Variants in PGBD5 observed in about 807,000 individuals in gnomAD.
The protein encoded by PGBD5 is piggyBac transposable element-derived protein 5.
In PGBD5, 14 loss-of-function variants were observed where a neutral mutation model predicts 47.9. That is an observed-to-expected ratio of 0.29 (90% CI 0.19 to 0.46). The LOEUF (loss-of-function observed/expected upper bound fraction) is 0.46, where lower values mean the gene tolerates loss of function less well. Ranked by LOEUF, PGBD5 falls within the 20% of genes least tolerant of loss-of-function variation. The pLI is 1.00. For missense variants in PGBD5, 635 were observed against 716.0 expected (o/e 0.89, Z 1.29); for synonymous variants, 316 against 306.3 (o/e 1.03, Z -0.33).
chr1:230,388,062 C>G (rs533252043), intron 1 of PGBD5, among the ~76,000 whole-genome samples: 25 of 152,250 alleles, frequency 1.6e-4, no homozygotes, highest in Middle Eastern at 3.4e-3. Context: ...CCCAGCAGCC[C>G]CCGCCAACCA....
chr1:230,394,312 T>C (rs539583924), intron 1 of PGBD5, among the ~76,000 whole-genome samples: 3 of 151,760 alleles, frequency 2.0e-5, no homozygotes, highest in Non-Finnish European at 4.4e-5. Context: ...TGCCCTTCTA[T>C]TGTGCTACAG....
intron 1 of PGBD5, among the ~76,000 whole-genome samples, chr1:230,412,891 A>G (rs2102750970): frequency 6.6e-6 from 1 of 152,274 alleles, no homozygotes; most frequent in South Asian, 2.1e-4. Context: ...ATTGCATGCA[A>G]TATCACAACG....
intron 1 of PGBD5, among the ~76,000 whole-genome samples, chr1:230,384,755 TTG>T (rs1164398451): frequency 6.6e-6 from 1 of 152,138 alleles, no homozygotes; most frequent in Non-Finnish European, 1.5e-5. Flanking sequence ...AAAATGGGCA[TTG>T]TGTGTGTTAA....
chr1:230,329,551 G>A (rs561746647), intron 5 of PGBD5, among the ~76,000 whole-genome samples: 23 of 152,106 alleles, frequency 1.5e-4, no homozygotes, highest in Non-Finnish European at 2.1e-4. Flanking sequence ...TTGCTCTGTC[G>A]GCCAGGCTGG....
At chr1:230,373,510 C>T (rs1356328909) in intron 1 of PGBD5, among the ~76,000 whole-genome samples, 1 of 152,220 alleles carries the variant, frequency 6.6e-6, no homozygotes, top group Non-Finnish European at 1.5e-5. Context: ...CAGGAAGACA[C>T]TGTTTCTCCC....
At chr1:230,374,866 T>G (rs1008001734) in intron 1 of PGBD5, among the ~76,000 whole-genome samples, 27 of 152,178 alleles carry the variant, frequency 1.8e-4, no homozygotes, top group Admixed American at 1.8e-3. Flanking sequence ...AAACAACATT[T>G]AGTCCTTAAA....
At chr1:230,345,823 G>A (rs1429007979) in intron 3 of PGBD5, among the ~76,000 whole-genome samples, 1 of 152,186 alleles carries the variant, frequency 6.6e-6, no homozygotes, top group East Asian at 1.9e-4. Flanking sequence ...GCAGGCTAAT[G>A]TAAGTGTTCC....
chr1:230,384,587 G>A (rs895909702), intron 1 of PGBD5, among the ~76,000 whole-genome samples: 6 of 152,136 alleles, frequency 3.9e-5, no homozygotes, highest in African/African-American at 1.2e-4. Flanking sequence ...GAGCAGGGGA[G>A]GTAAATTTTA....
intron 1 of PGBD5, among the ~76,000 whole-genome samples, chr1:230,379,973 T>C (rs554853132): frequency 6.6e-6 from 1 of 152,362 alleles, no homozygotes; most frequent in South Asian, 2.1e-4. Context: ...TCTTCATTAC[T>C]ACCCTCAGCA....
intron 6 of PGBD5, among the ~76,000 whole-genome samples, chr1:230,324,893 T>C (rs12088559): frequency 0.096 from 14,588 of 152,244 alleles, 1,234 homozygotes; most frequent in African/African-American, 0.23. Flanking sequence ...AGAACACATG[T>C]GACTTGGGGT....
chr1:230,401,033 C>A (rs1323716286), intron 1 of PGBD5, among the ~76,000 whole-genome samples: 1 of 152,258 alleles, frequency 6.6e-6, no homozygotes. Flanking sequence ...CGCATATTAT[C>A]TACAGTTACC....
At chr1:230,348,123 C>G (rs532774597) in intron 3 of PGBD5, among the ~76,000 whole-genome samples, 1 of 152,304 alleles carries the variant, frequency 6.6e-6, no homozygotes, top group African/African-American at 2.4e-5. Context: ...TGAGCTTCCC[C>G]GCTAAGTCAT....
At position 230,357,012 on chromosome 1, in the gene PGBD5, T is replaced by A. The variant is rs1347217082; in HGVS notation, c.641A>T (p.Tyr214Phe). The change falls in exon 2 of 7, where the codon TAC becomes TTC. Residue 214 changes from tyrosine (Y) to phenylalanine (F), a missense_variant. Coordinates refer to ENST00000391860, the MANE Select transcript of PGBD5 (RefSeq NM_001258311.2). This position sits in a 1 kb window ranked among gnomAD's most constrained non-coding sequence, Gnocchi z 5.7. The stretch of plus-strand genomic sequence containing the variant: ...GGAGCGGAAGGCCACGACGTGGAAG[T>A]ACTTGAGGATCTTCTCGAAGCGGGC... ...SQARFEKILKYFHVVAFRSSQ... is the reference protein window; with the variant it reads ...SQARFEKILKFFHVVAFRSSQ... The A allele has an allele frequency of 6.2e-7, 1 of 1,614,098 alleles. No individual in the cohort carries two copies. The highest frequency in any genetic ancestry group is 2.2e-5 in the East Asian group (1 of 44,864).
chr1:230,368,809 G>A (rs1023137987), intron 1 of PGBD5, among the ~76,000 whole-genome samples: 2 of 152,230 alleles, frequency 1.3e-5, no homozygotes, highest in Non-Finnish European at 2.9e-5. Context: ...GTATGTGAGT[G>A]AGCATGCACA....
chr1:230,346,615 C>T (rs977443650), intron 3 of PGBD5, among the ~76,000 whole-genome samples: 29 of 152,276 alleles, frequency 1.9e-4, no homozygotes, highest in African/African-American at 7.0e-4. Context: ...TGCCTGCCTA[C>T]TTTTGTCTTA....
In PGBD5 at chr1:230,400,935, G is replaced by A. The variant is rs192065689; in HGVS notation, c.331+24663C>T. 2.3e-3 allele frequency among the ~76,000 whole-genome samples: 343 copies of A among 152,292 alleles called. 2 individuals are homozygous for A. The highest frequency in any genetic ancestry group is 7.5e-3 in the African/African-American group (313 of 41,560). On this transcript the variant is annotated intron_variant, in intron 1 of 6. Coordinates refer to ENST00000391860, the MANE Select transcript of PGBD5 (RefSeq NM_001258311.2). The stretch of plus-strand genomic sequence containing the variant: ...TTCTCTACTTTATAAATGAGAAAAC[G>A]GACTCAGAGAACACATAACTACAAA...
chr1:230,323,261 C>G lies in PGBD5; in HGVS notation c.*164G>C, dbSNP rs982941948. ...TTGGAATGCAAATGAGGACAGCAAC[C>G]GTCCTCTGACCAGGTCCATCCTGTC... On this transcript the variant is annotated 3_prime_UTR_variant, in exon 7 of 7. Coordinates refer to ENST00000391860, the MANE Select transcript of PGBD5 (RefSeq NM_001258311.2). This position sits in a 1 kb window ranked among gnomAD's most constrained non-coding sequence, Gnocchi z 4.1. The G allele has an allele frequency of 2.8e-6, 2 of 714,680 alleles. No individual in the cohort carries two copies. The highest frequency in any genetic ancestry group is 4.5e-6 in the Non-Finnish European group (2 of 444,610). The allele number at this position is 714,680 out of a possible 1,614,324, so 44.3% of individuals were successfully genotyped here. A position where few individuals can be genotyped will look rare whatever the true frequency, so the allele number is the denominator to read the frequency against.
intron 1 of PGBD5, among the ~76,000 whole-genome samples, chr1:230,385,245 G>C (rs1278172268): frequency 6.6e-6 from 1 of 152,164 alleles, no homozygotes; most frequent in Non-Finnish European, 1.5e-5. Context: ...CCTTGACTTT[G>C]AATTGAGAGA....
chr1:230,393,773 G>C (rs1413623105), intron 1 of PGBD5, among the ~76,000 whole-genome samples: 21 of 150,460 alleles, frequency 1.4e-4, no homozygotes, highest in African/African-American at 3.7e-4. Context: ...TGCAGTGAGC[G>C]GAGATCGCGC....
Sources: allele counts gnomAD v4.1 joint callset (sites outside exome capture counted in the v4.1 genomes callset), GRCh38; gene constraint gnomAD v4.1.1; non-coding constraint Gnocchi (gnomAD v3.1); transcripts MANE v1.5; gene names NCBI Gene and HGNC (gene_info 2026-07-23, HGNC 2026-07-21).